The following CDH7 variants were observed in gnomAD, a reference collection of about 807,000 sequenced individuals.
CDH7 encodes the protein cadherin-7.
A neutral mutation model predicts 71.8 loss-of-function variants in CDH7; 25 were observed. The ratio of observed to expected loss-of-function variants is 0.35; its 90% CI spans 0.25 to 0.49. CDH7 has a LOEUF of 0.49. Among genes scored for constraint, CDH7 ranks in the 20% least tolerant of loss-of-function variants. CDH7 has a pLI of 0.99. For synonymous variants in CDH7, 381 were observed against 363.8 expected (o/e 1.05, Z -0.54); for missense variants, 862 against 974.6 (o/e 0.88, Z 1.54).
intron 2 of CDH7, among the ~76,000 whole-genome samples, chr18:65,792,747 T>C (rs1210730180): frequency 1.3e-5 from 2 of 152,190 alleles, no homozygotes; most frequent in Admixed American, 6.5e-5. Context: ...CTCTTATCCA[T>C]GCAGGCTGAT....
rs556639090 is a variant in CDH7 at position 65,869,346 on chromosome 18, G to T, written c.1864+6429G>T. ...TTTTGAAACACCGCAGCTTAAAATC[G>T]TATTTTCATGAAATCCCATTGTCTA... On this transcript the variant is annotated intron_variant, in intron 11 of 11. Transcript: ENST00000397968. Among the ~76,000 whole-genome samples, 6 of 151,784 alleles carry T rather than the reference G, an allele frequency of 4.0e-5. No individual in the cohort carries two copies. In the East Asian group the frequency reaches 1.2e-3, roughly 30 times the overall value.
intron 11 of CDH7, among the ~76,000 whole-genome samples, chr18:65,873,153 T>G (rs1599066983): frequency 6.6e-6 from 1 of 152,282 alleles, no homozygotes; most frequent in East Asian, 1.9e-4. Context: ...TTAAAATAAA[T>G]TATTGAAATT....
chr18:65,792,663 C>G (rs1332723854), intron 2 of CDH7, among the ~76,000 whole-genome samples: 1 of 151,810 alleles, frequency 6.6e-6, no homozygotes. Context: ...ACTGTGCCCT[C>G]TAGAGAAGCA....
intron 6 of CDH7, among the ~76,000 whole-genome samples, chr18:65,826,365 A>G (rs1046980553): frequency 9.9e-5 from 15 of 151,300 alleles, no homozygotes; most frequent in Admixed American, 7.9e-4. Context: ...TCATGAAGCT[A>G]TTATTAGGAC....
chr18:65,829,938 A>G (rs1323396910), intron 6 of CDH7, among the ~76,000 whole-genome samples: 1 of 152,120 alleles, frequency 6.6e-6, no homozygotes, highest in African/African-American at 2.4e-5. Context: ...AAGGCTCTGT[A>G]GAAGTGTCCA....
chr18:65,817,271 C>T (rs6566179), intron 4 of CDH7, among the ~76,000 whole-genome samples: 133,182 of 152,102 alleles, frequency 0.88, 59,563 homozygotes, highest in East Asian at 0.99. Flanking sequence ...TAAGAGGTAT[C>T]GTCATAACAA....
Position 65,814,539 on chromosome 18 carries a change from A to G in CDH7, c.560A>G (p.Asn187Ser). 6.2e-7 allele frequency: 1 copy of G among 1,613,690 alleles called. No homozygotes were observed. Reference protein sequence around the residue: ...ATDADDPTYGNSARVVYSILQ... With the variant: ...ATDADDPTYGSSARVVYSILQ... ...GATGCTGATGATCCTACATATGGCA[A>G]CAGTGCCAGAGTGGTCTACAGTATT... The change falls in exon 4 of 12, where the codon AAC becomes AGC. Residue 187 changes from asparagine to serine, a missense_variant. Asn to Ser is a conservative substitution (Grantham distance 46, BLOSUM62 1). Coordinates refer to ENST00000397968, the MANE Select transcript of CDH7 (RefSeq NM_004361.5).
chr18:65,846,975 C>T (rs1912954480), intron 7 of CDH7, among the ~76,000 whole-genome samples: 1 of 152,068 alleles, frequency 6.6e-6, no homozygotes, highest in Admixed American at 6.6e-5. Context: ...GTAAAAGAGA[C>T]ATAGCATTTT....
Position 65,762,792 on chromosome 18 carries a change from T to C in CDH7, c.-51T>C. 5 of 1,527,344 alleles carry C rather than the reference T, an allele frequency of 3.3e-6. No individual in the cohort carries two copies. The highest frequency in any genetic ancestry group is 4.5e-6 in the Non-Finnish European group (5 of 1,123,256). The allele number at this position is 1,527,344 out of a possible 1,614,324, so 94.6% of individuals were successfully genotyped here. ...CTAAGCCAACTGGAACTGTGCCTTTTCTCTTGTCAAGGTTTTTTTCTTACA... is the reference window on the plus strand; with the variant it reads ...CTAAGCCAACTGGAACTGTGCCTTTCCTCTTGTCAAGGTTTTTTTCTTACA... On this transcript the variant is annotated 5_prime_UTR_variant, in exon 2 of 12. Transcript: ENST00000397968.
At chr18:65,807,678 A>G (rs1050349139) in intron 2 of CDH7, among the ~76,000 whole-genome samples, 5 of 152,192 alleles carry the variant, frequency 3.3e-5, no homozygotes, top group African/African-American at 1.2e-4. Flanking sequence ...AAGCTTAAAA[A>G]CAACTTATTT....
Position 65,796,385 on chromosome 18 carries a change from A to G in CDH7, c.211-13319A>G, listed in dbSNP as rs564102370. ...CTGACTTTCCCAAGGTGGCATAAGT[A>G]CAAAATTCCTATGTGTCAAGTTATA... On this transcript the variant is annotated intron_variant, in intron 2 of 11. Coordinates refer to ENST00000397968, the MANE Select transcript of CDH7 (RefSeq NM_004361.5). Among the ~76,000 whole-genome samples, 18 of 152,324 alleles carry G rather than the reference A, an allele frequency of 1.2e-4. 1 individual carries two copies. The South Asian group carries it at 3.3e-3, about 28-fold the overall frequency.
chr18:65,804,699 C>CGTGTGTGTGTGTGTGTGTGTGTGTGT (rs56242508), intron 2 of CDH7, among the ~76,000 whole-genome samples: 3 of 148,816 alleles, frequency 2.0e-5, no homozygotes, highest in South Asian at 4.3e-4. Flanking sequence ...CCTTAACACA[C>CGTGTGTGTGTGTGTGTGTGTGTGTGT]GTGTGTGTGT....
In CDH7 at chr18:65,863,078, C is replaced by A. The variant is rs894166574; in HGVS notation, c.1864+161C>A. The stretch of plus-strand genomic sequence containing the variant: ...TTTGAGACGGGGTCTCACTCTGTTG[C>A]CCAGGCTGGAGTGCAGTAGAATGAT... On this transcript the variant is annotated intron_variant, in intron 11 of 11. Transcript: ENST00000397968. 1.0e-4 allele frequency: 81 copies of A among 772,236 alleles called. No individual in the cohort carries two copies. In the Middle Eastern group the frequency reaches 1.9e-3, roughly 18 times the overall value. The allele number at this position is 772,236 out of a possible 1,614,324, so 47.8% of individuals were successfully genotyped here.
chr18:65,888,742 A>AACACACACACACAC lies in CDH7; in HGVS notation c.*7857_*7870dup, dbSNP rs3061864. The AACACACACACACAC allele has an allele frequency of 6.7e-6, 1 of 148,846 alleles. No individual in the cohort carries two copies. The highest frequency in any genetic ancestry group is 2.5e-5 in the African/African-American group (1 of 40,662). 9.2% of individuals were successfully genotyped at this position (148,846 alleles called of 1,614,324 possible). On this transcript the variant is annotated 3_prime_UTR_variant, in exon 12 of 12. Transcript: ENST00000397968. ...GCCCAGAATAACTGTAACTTATGCA[A>AACACACACACACAC]ACACACACACACACACACACACTCA...
In CDH7 at chr18:65,799,537, A is replaced by G. The variant is rs140995650; in HGVS notation, c.211-10167A>G. On this transcript the variant is annotated intron_variant, in intron 2 of 11. Transcript: ENST00000397968. ...CTAAAAACACAAAAATTAGCCGGGC[A>G]TGGTGGCGGGTGCCTGTAGTCCCAG... Among the ~76,000 whole-genome samples, 1,141 of 152,096 alleles carry G rather than the reference A, an allele frequency of 7.5e-3. 15 individuals are homozygous for G. Among genetic ancestry groups the G allele is most frequent in the African/African-American group, 0.026 (1,077 of 41,508 alleles).
At chr18:65,820,643 T>C (rs1009417776) in intron 4 of CDH7, among the ~76,000 whole-genome samples, 7 of 152,200 alleles carry the variant, frequency 4.6e-5, no homozygotes. Flanking sequence ...AGATTACCTT[T>C]CCTACCTGCA....
At chr18:65,750,307 G>C (rs888047144), upstream of CDH7, 1 of 151,458 alleles carries the variant, frequency 6.6e-6, no homozygotes, top group Non-Finnish European at 1.5e-5. Context: ...AAAACTGTAA[G>C]TTCTGATTAG....
intron 2 of CDH7, among the ~76,000 whole-genome samples, chr18:65,774,273 T>C (rs1332307733): frequency 2.6e-5 from 4 of 151,976 alleles, no homozygotes; most frequent in African/African-American, 9.7e-5. Flanking sequence ...TCAATATATA[T>C]GATTAGAAAT....
chr18:65,773,876 G>A (rs996285099), intron 2 of CDH7, among the ~76,000 whole-genome samples: 3 of 151,676 alleles, frequency 2.0e-5, no homozygotes, highest in Admixed American at 6.6e-5. Context: ...ATTTCTAGGA[G>A]GTGAAATTAC....
Sources: gnomAD v4.1 joint callset for allele counts (sites outside exome capture counted in the v4.1 genomes callset) on GRCh38, gnomAD v4.1.1 for gene constraint, MANE v1.5 for transcripts, NCBI Gene and HGNC (gene_info 2026-07-23, HGNC 2026-07-21) for gene names.